The following MAK variants were observed in gnomAD, a reference collection of about 807,000 sequenced individuals.
The protein encoded by MAK is serine/threonine-protein kinase MAK.
A neutral mutation model predicts 82.6 loss-of-function variants in MAK; 65 were observed. That is an observed-to-expected ratio of 0.79 (90% confidence interval 0.64 to 0.97). The LOEUF is 0.97. Ranked by LOEUF, MAK falls within the 50% of genes least tolerant of loss-of-function variation. The pLI, the probability that MAK is intolerant of heterozygous loss-of-function variation, is 0.00. For synonymous variants in MAK, 250 were observed against 274.2 expected (o/e 0.91, Z 0.87); for missense variants, 703 against 780.2 (o/e 0.90, Z 1.18).
At chr6:10,785,357 C>T (rs1287178199) in intron 10 of MAK, among the ~76,000 whole-genome samples, 1 of 152,194 alleles carries the variant, frequency 6.6e-6, no homozygotes, top group African/African-American at 2.4e-5. Flanking sequence ...CCTCCACGAC[C>T]AACCTTCTCC....
intron 10 of MAK, among the ~76,000 whole-genome samples, chr6:10,786,821 TCAC>T (rs1774592557): frequency 7.5e-6 from 1 of 132,760 alleles, no homozygotes; most frequent in Admixed American, 7.2e-5. Flanking sequence ...CACCTCCTAT[TCAC>T]CACTCCGCTA....
At chr6:10,790,829 A>G (rs1204724811) in intron 10 of MAK, among the ~76,000 whole-genome samples, 1 of 152,124 alleles carries the variant, frequency 6.6e-6, no homozygotes, top group Non-Finnish European at 1.5e-5. Flanking sequence ...AGGTGTTTGG[A>G]CCATGGGAGC....
At chr6:10,765,440 A>ATTTTTTTTTTTTTTTTTT (rs200536068) in intron 14 of MAK, among the ~76,000 whole-genome samples, 1 of 130,620 alleles carries the variant, frequency 7.7e-6, no homozygotes, top group African/African-American at 3.3e-5. Context: ...TAGAATGAAG[A>ATTTTTTTTTTTTTTTTTT]TTTTTTTTTT....
chr6:10,835,541 G>T (rs1173892567), intron 1 of MAK, among the ~76,000 whole-genome samples: 1 of 152,210 alleles, frequency 6.6e-6, no homozygotes, highest in Non-Finnish European at 1.5e-5. Flanking sequence ...GTTTATAGGC[G>T]TGAGCCACTG....
intron 4 of MAK, among the ~76,000 whole-genome samples, chr6:10,816,787 T>C (rs1326009715): frequency 6.6e-6 from 1 of 152,096 alleles, no homozygotes. Context: ...GTTCAAAAAG[T>C]GAAGCTTAGT....
chr6:10,809,953 C>T (rs898235968), intron 5 of MAK, among the ~76,000 whole-genome samples: 5 of 151,920 alleles, frequency 3.3e-5, no homozygotes, highest in African/African-American at 1.2e-4. Context: ...CCAAAATTAG[C>T]CGGGCATGGT....
intron 11 of MAK, among the ~76,000 whole-genome samples, chr6:10,782,243 C>T (rs941679980): frequency 6.8e-6 from 1 of 146,148 alleles, no homozygotes; most frequent in Non-Finnish European, 1.5e-5. Flanking sequence ...CACACACACA[C>T]ACACACAGAC....
chr6:10,835,307 T>G (rs895964061), intron 1 of MAK, among the ~76,000 whole-genome samples: 1 of 152,196 alleles, frequency 6.6e-6, no homozygotes, highest in Admixed American at 6.5e-5. Flanking sequence ...ATGCCCAGGC[T>G]GGAGTGTGGT....
At chr6:10,829,675 C>T (rs1183978535) in intron 2 of MAK, among the ~76,000 whole-genome samples, 1 of 152,146 alleles carries the variant, frequency 6.6e-6, no homozygotes, top group African/African-American at 2.4e-5. Context: ...AGGAGGCACT[C>T]ATATTTTTTG....
At position 10,775,434 on chromosome 6, in the gene MAK, C is replaced by G. The variant is rs1773381703; in HGVS notation, c.1491G>C (p.Leu497Phe). Reference sequence around the variant, plus strand: ...GGTTTATTTCCTTTCCACTGGCTATCAAGGACACCTTCTTGGGATTCACAC... The same window carrying G: ...GGTTTATTTCCTTTCCACTGGCTATGAAGGACACCTTCTTGGGATTCACAC... ...LPGVNPKKVSLIASGKEINPH... is the reference protein window; with the variant it reads ...LPGVNPKKVSFIASGKEINPH... Residue 497 changes from leucine (L) to phenylalanine (F), a missense_variant, in exon 12 of 15, where the codon TTG (leucine) becomes TTC (phenylalanine). Transcript: ENST00000354489. 3 of 1,613,552 alleles carry G rather than the reference C, an allele frequency of 1.9e-6. No homozygotes were observed. The highest frequency in any genetic ancestry group is 1.7e-5 in the Admixed American group (1 of 59,988).
Position 10,830,895 on chromosome 6 carries a change from G to A in MAK, c.-229-18C>T. ...TAAACACCCTAAAGAAAGAAAACAA[G>A]GATATCATGAATTTTCATTAACAAG... is the stretch of plus-strand genomic sequence containing the variant. On this transcript the variant is annotated intron_variant, in intron 1 of 14. Coordinates refer to ENST00000354489, the MANE Select transcript of MAK (RefSeq NM_001242957.3). The A allele has an allele frequency of 4.1e-5, 19 of 458,000 alleles. No individual in the cohort carries two copies. Among genetic ancestry groups the A allele is most frequent in the South Asian group, 2.2e-4 (9 of 41,822 alleles). The allele number at this position is 458,000 out of a possible 1,614,324, so 28.4% of individuals were successfully genotyped here.
At chr6:10,766,103 C>T (rs1368985552) in intron 14 of MAK, among the ~76,000 whole-genome samples, 1 of 152,152 alleles carries the variant, frequency 6.6e-6, no homozygotes, top group Non-Finnish European at 1.5e-5. Context: ...GGGATGTCTG[C>T]TTTTTCCATC....
rs1458141444 is a variant in MAK at position 10,800,574 on chromosome 6, T to G, written c.831+1318A>C. Among the ~76,000 whole-genome samples the G allele has an allele frequency of 2.0e-5, 3 of 151,990 alleles. No homozygotes were observed. The highest frequency in any genetic ancestry group is 7.3e-5 in the African/African-American group (3 of 41,378). ...TGTAATCCTGGTCGGGCGCGGTGGC[T>G]CACACCTGTAATCCCAGCACTTTGG... On this transcript the variant is annotated intron_variant, in intron 8 of 14. Coordinates refer to ENST00000354489, the MANE Select transcript of MAK (RefSeq NM_001242957.3). The surrounding 1 kb of genome is among the most constrained non-coding windows in gnomAD (Gnocchi z 4.2).
chr6:10,834,096 T>A (rs1414268319), intron 1 of MAK, among the ~76,000 whole-genome samples: 1 of 152,226 alleles, frequency 6.6e-6, no homozygotes, highest in African/African-American at 2.4e-5. Context: ...TTTCTTCTCA[T>A]TTAGGATTTT....
chr6:10,810,088 A>G (rs1776797189), intron 5 of MAK, among the ~76,000 whole-genome samples: 2 of 127,690 alleles, frequency 1.6e-5, no homozygotes, highest in South Asian at 2.6e-4. Flanking sequence ...ACAGAGCAAG[A>G]CACTGTCTCA....
chr6:10,807,487 G>A (rs906980568), intron 6 of MAK, among the ~76,000 whole-genome samples: 1 of 151,396 alleles, frequency 6.6e-6, no homozygotes, highest in Non-Finnish European at 1.5e-5. Flanking sequence ...GCACCAAGGC[G>A]CGTGACACCA....
At position 10,773,166 on chromosome 6, in the gene MAK, G is replaced by A; in HGVS notation, c.1598-58C>T. On this transcript the variant is annotated intron_variant, in intron 12 of 14. Transcript: ENST00000354489. ...TAGTAAGGAGAATGTTATAGGAAAA[G>A]CAGAGAAAAAATGGATTAGATGATT... 7 of 1,005,622 alleles carry A rather than the reference G, an allele frequency of 7.0e-6. No homozygotes were observed. The Admixed American group carries it at 8.0e-5, about 12-fold the overall frequency. 62.3% of individuals were successfully genotyped at this position (1,005,622 alleles called of 1,614,324 possible).
chr6:10,792,840 T>G (rs75534946), intron 9 of MAK, among the ~76,000 whole-genome samples: 3,459 of 152,262 alleles, frequency 0.023, 54 homozygotes, highest in Middle Eastern at 0.031. Flanking sequence ...TTACTTTCTC[T>G]GCCAGGCACA....
At chr6:10,787,775 G>A (rs1047845786) in intron 10 of MAK, among the ~76,000 whole-genome samples, 3 of 151,078 alleles carry the variant, frequency 2.0e-5, no homozygotes, top group African/African-American at 7.3e-5. Flanking sequence ...GCAGGAGAAT[G>A]GCGTGAACCC....
Sources: allele counts gnomAD v4.1 joint callset (sites outside exome capture counted in the v4.1 genomes callset), GRCh38; gene constraint gnomAD v4.1.1; non-coding constraint Gnocchi (gnomAD v3.1); transcripts MANE v1.5; gene names NCBI Gene and HGNC (gene_info 2026-07-23, HGNC 2026-07-21).